Variants in MAP6 observed in about 807,000 individuals in gnomAD.
The protein encoded by MAP6 is microtubule associated protein 6.
A neutral mutation model predicts 42.4 loss-of-function variants in MAP6; 26 were observed. The observed-to-expected ratio is 0.61, with a 90% CI of 0.45 to 0.85. The LOEUF is 0.85. MAP6 is among the 40% of genes least tolerant of loss of function. MAP6 has a pLI of 0.00. For missense variants in MAP6, 966 were observed against 1,099.0 expected, an observed-to-expected ratio of 0.88 and a Z score of 1.71; for synonymous variants, 418 against 443.8, an observed-to-expected ratio of 0.94 and a Z score of 0.73.
At chr11:75,629,992 T>C (rs983589270) in intron 1 of MAP6, among the ~76,000 whole-genome samples, 1 of 152,256 alleles carries the variant, frequency 6.6e-6, no homozygotes, top group Non-Finnish European at 1.5e-5. Flanking sequence ...GGCTAGGACC[T>C]ACCTTAGAGA....
chr11:75,645,155 C>T (rs1216688240), intron 1 of MAP6, among the ~76,000 whole-genome samples: 5 of 152,166 alleles, frequency 3.3e-5, no homozygotes, highest in Non-Finnish European at 5.9e-5. Flanking sequence ...GCACTGCTGC[C>T]GAGAGGACAC....
intron 1 of MAP6, among the ~76,000 whole-genome samples, chr11:75,613,760 G>C (rs1326764116): frequency 6.6e-6 from 1 of 152,142 alleles, no homozygotes; most frequent in African/African-American, 2.4e-5. Context: ...ATTCAGATCT[G>C]GGTTTAAATG....
Position 75,667,760 on chromosome 11 carries a change from A to T in MAP6, c.610T>A (p.Trp204Arg). 7.6e-7 allele frequency: 1 copy of T among 1,311,046 alleles called. No individual in the cohort carries two copies. The highest frequency in any genetic ancestry group is 3.1e-5 in the East Asian group (1 of 31,964). The allele number at this position is 1,311,046 out of a possible 1,614,324, so 81.2% of individuals were successfully genotyped here. Reference sequence around the variant, plus strand: ...GCCTCAGCGGCGGCCTGCACTGGCCAGCGCTCCTGGCTCTGCGGCCGGCGC... The same window carrying T: ...GCCTCAGCGGCGGCCTGCACTGGCCTGCGCTCCTGGCTCTGCGGCCGGCGC... ...PKRRPQSQER[W>R]PVQAAAEARE... Residue 204 changes from tryptophan (W) to arginine (R), a missense_variant, in exon 1 of 4, where the codon TGG becomes AGG. By Grantham distance (101) the Trp-to-Arg change is moderately radical (BLOSUM62 -3). Around this residue, in one of 2 missense-constraint regions of MAP6, gnomAD observed 943 missense variants for 1,049.9 expected, o/e 0.90. Coordinates refer to ENST00000304771, the MANE Select transcript of MAP6 (RefSeq NM_033063.2). The surrounding 1 kb of genome is among the most constrained non-coding windows in gnomAD (Gnocchi z 5.6).
At chr11:75,608,551 G>C (rs2135591099) in intron 1 of MAP6, among the ~76,000 whole-genome samples, 1 of 152,288 alleles carries the variant, frequency 6.6e-6, no homozygotes, top group East Asian at 1.9e-4. Flanking sequence ...TGGAGAAAGA[G>C]ATCAGGTTCC....
intron 3 of MAP6, chr11:75,603,785 C>T (rs573429643): frequency 2.0e-6 from 2 of 985,124 alleles, no homozygotes; most frequent in Non-Finnish European, 2.4e-6. Context: ...CAAGGGAATG[C>T]TAAATAAATG....
chr11:75,656,697 TCAC>T (rs1413784957), intron 1 of MAP6, among the ~76,000 whole-genome samples: 3 of 152,230 alleles, frequency 2.0e-5, no homozygotes, highest in African/African-American at 7.2e-5. Flanking sequence ...GGTTTGATTC[TCAC>T]CAACAGGCTG....
chr11:75,611,963 C>G (rs1044122256), intron 1 of MAP6, among the ~76,000 whole-genome samples: 26 of 152,406 alleles, frequency 1.7e-4, no homozygotes, highest in African/African-American at 4.8e-4. Flanking sequence ...TCCCACTACA[C>G]TTCGGCAATG....
At chr11:75,605,326 A>G in intron 3 of MAP6, 1 of 985,874 alleles carries the variant, frequency 1.0e-6, no homozygotes, top group Non-Finnish European at 1.2e-6. Flanking sequence ...TATTTCTTCA[A>G]ATTTTGTCAA....
chr11:75,667,861 T>C lies in MAP6; in HGVS notation c.509A>G (p.Asp170Gly). The stretch of plus-strand genomic sequence containing the variant: ...CACGGGCTTGGGGATCCACGGGTGG[T>C]CCCCGCGGCGCGGCAGCGGCCAGGC... The part of the protein sequence containing the change: ...FRAWPLPRRG[D>G]HPWIPKPVQI... Residue 170 changes from aspartate (D) to glycine (G), a missense_variant, in exon 1 of 4, where the codon GAC becomes GGC. Asp to Gly is a moderately conservative substitution (Grantham distance 94). Around this residue, in one of 2 missense-constraint regions of MAP6, gnomAD observed 943 missense variants for 1,049.9 expected, o/e 0.90. Transcript: ENST00000304771. The surrounding 1 kb of genome is among the most constrained non-coding windows in gnomAD (Gnocchi z 5.6). 6.9e-7 allele frequency: 1 copy of C among 1,439,662 alleles called. No homozygotes were observed. The highest frequency in any genetic ancestry group is 9.1e-7 in the Non-Finnish European group (1 of 1,093,758). The allele number at this position is 1,439,662 out of a possible 1,614,324, so 89.2% of individuals were successfully genotyped here. A position where few individuals can be genotyped will look rare whatever the true frequency, so the allele number is the denominator to read the frequency against.
At chr11:75,654,755 C>T (rs543448933) in intron 1 of MAP6, among the ~76,000 whole-genome samples, 3 of 152,322 alleles carry the variant, frequency 2.0e-5, no homozygotes, top group African/African-American at 7.2e-5. Flanking sequence ...TATCTCCCCC[C>T]AACTTCATCA....
intron 1 of MAP6, among the ~76,000 whole-genome samples, chr11:75,637,540 T>C (rs1235129984): frequency 6.6e-6 from 1 of 152,154 alleles, no homozygotes; most frequent in Non-Finnish European, 1.5e-5. Flanking sequence ...AGCTGGAGGC[T>C]GCTTGGTGAG....
Position 75,668,290 on chromosome 11 carries a change from G to A in MAP6, c.80C>T (p.Pro27Leu), listed in dbSNP as rs993598013. ...CTCCGAGTACTTGGTGAAAACCAGC[G>A]GCACAGCGATGTCCGCTTTGTCCAA... The part of the protein sequence containing the change: ...NQLDKADIAV[P>L]LVFTKYSEAT... Residue 27 changes from proline (P) to leucine (L), a missense_variant, in exon 1 of 4, where the codon CCG becomes CTG. This residue lies in a region of MAP6 where 23 missense variants were observed against 49.1 expected (regional missense o/e 0.47). Transcript: ENST00000304771. The A allele has an allele frequency of 6.4e-7, 1 of 1,550,804 alleles. No individual in the cohort carries two copies. Among genetic ancestry groups the A allele is most frequent in the Non-Finnish European group, 8.6e-7 (1 of 1,156,316 alleles).
chr11:75,640,855 G>C (rs1943455353), intron 1 of MAP6, among the ~76,000 whole-genome samples: 1 of 152,140 alleles, frequency 6.6e-6, no homozygotes, highest in African/African-American at 2.4e-5. Context: ...AGAGGATGTG[G>C]AGAAATAGGA....
chr11:75,668,230 G>A lies in MAP6; in HGVS notation c.140C>T (p.Pro47Leu). 1.4e-6 allele frequency: 2 copies of A among 1,404,132 alleles called. No individual in the cohort carries two copies. Among genetic ancestry groups the A allele is most frequent in the East Asian group, 2.8e-5 (1 of 35,540 alleles). The allele number at this position is 1,404,132 out of a possible 1,614,324, so 87.0% of individuals were successfully genotyped here. ...TEHPGAPPQP[P>L]PPQQQAQPAL... ...CGGCTGCGCCTGCTGCTGCGGCGGC[G>A]GTGGCTGCGGCGGGGCGCCCGGGTG... The change falls in exon 1 of 4, where the codon CCG becomes CTG. Residue 47 changes from proline to leucine, a missense_variant. By Grantham distance (98) the Pro-to-Leu change is moderately conservative. This residue lies in a region of MAP6 where 943 missense variants were observed against 1,049.9 expected (regional missense o/e 0.90). Transcript: ENST00000304771.
intron 1 of MAP6, among the ~76,000 whole-genome samples, chr11:75,658,897 G>A (rs1174078292): frequency 6.6e-6 from 1 of 152,108 alleles, no homozygotes; most frequent in Non-Finnish European, 1.5e-5. Flanking sequence ...CCTCAAATCA[G>A]GCAGACTTAA....
At chr11:75,617,630 T>C (rs968810520) in intron 1 of MAP6, among the ~76,000 whole-genome samples, 3 of 150,550 alleles carry the variant, frequency 2.0e-5, no homozygotes, top group Admixed American at 1.3e-4. Context: ...AGAAAAATGG[T>C]GCAAAATAAG....
At chr11:75,633,674 A>C (rs1219205448) in intron 1 of MAP6, among the ~76,000 whole-genome samples, 1 of 152,202 alleles carries the variant, frequency 6.6e-6, no homozygotes, top group Non-Finnish European at 1.5e-5. Context: ...TCTCTGATCA[A>C]GTGAGAGTTG....
At chr11:75,603,269 G>A (rs1488284144) in intron 3 of MAP6, 18 of 985,580 alleles carry the variant, frequency 1.8e-5, no homozygotes, top group Non-Finnish European at 1.8e-5. Context: ...ACAGGGAAAT[G>A]TACAGAGGCC....
intron 1 of MAP6, among the ~76,000 whole-genome samples, chr11:75,666,754 T>C (rs1411580315): frequency 6.6e-6 from 1 of 152,234 alleles, no homozygotes; most frequent in African/African-American, 2.4e-5. Context: ...AAATGTTTAA[T>C]ATTAAATCAA....
Sources: allele counts gnomAD v4.1 joint callset (sites outside exome capture counted in the v4.1 genomes callset), GRCh38; gene constraint gnomAD v4.1.1; regional missense constraint gnomAD v4.1.1; non-coding constraint Gnocchi (gnomAD v3.1); transcripts MANE v1.5; gene names NCBI Gene and HGNC (gene_info 2026-07-23, HGNC 2026-07-21).